Variants in TRIM44 observed in about 807,000 individuals in gnomAD.
TRIM44 encodes the protein tripartite motif-containing protein 44.
In TRIM44, 13 loss-of-function variants were observed where a neutral mutation model predicts 37.4. The ratio of observed to expected loss-of-function variants is 0.35; its 90% CI spans 0.23 to 0.55. TRIM44 has a LOEUF of 0.55. Ranked by LOEUF, TRIM44 falls within the 20% of genes least tolerant of loss-of-function variation. The probability of loss-of-function intolerance (pLI) is 0.89; values close to 1 mark genes in which losing one functional copy is unlikely to be tolerated. For synonymous variants in TRIM44, 175 were observed against 157.2 expected (o/e 1.11, Z -0.85); for missense variants, 426 against 437.2 (o/e 0.97, Z 0.23).
Position 35,685,260 on chromosome 11 carries a change from G to A in TRIM44, c.671G>A (p.Ser224Asn). Reference sequence around the variant, plus strand: ...ACCCCTCACTTTTCTTTCTTCTAGAGCAAAGACTCAGGTGGACTGAAGGCC... The same window carrying A: ...ACCCCTCACTTTTCTTTCTTCTAGAACAAAGACTCAGGTGGACTGAAGGCC... ...TLDEAFEELRSKDSGGLKAAM... is the reference protein window; with the variant it reads ...TLDEAFEELRNKDSGGLKAAM... Residue 224 changes from serine to asparagine, a missense_variant and splice_region_variant, in exon 2 of 5, where the codon AGC becomes AAC. Physicochemically the swap from Ser to Asn is conservative, Grantham distance 46. This residue lies in a region of TRIM44 where 331 missense variants were observed against 303.0 expected (regional missense o/e 1.09). Coordinates refer to ENST00000299413, the MANE Select transcript of TRIM44 (RefSeq NM_017583.6). 6.2e-7 allele frequency: 1 copy of A among 1,614,130 alleles called. No homozygotes were observed. The highest frequency in any genetic ancestry group is 8.5e-7 in the Non-Finnish European group (1 of 1,179,966).
chr11:35,697,260 G>C (rs1321324540), intron 2 of TRIM44, among the ~76,000 whole-genome samples: 1 of 131,704 alleles, frequency 7.6e-6, no homozygotes, highest in Non-Finnish European at 1.5e-5. Context: ...TCCCCTTCCT[G>C]TGTGCATGTG....
chr11:35,729,349 T>C (rs926475163), intron 3 of TRIM44, among the ~76,000 whole-genome samples: 7 of 152,178 alleles, frequency 4.6e-5, no homozygotes, highest in African/African-American at 1.7e-4. Context: ...GGTGAAACTC[T>C]TACTTCTACC....
At chr11:35,737,569 C>G (rs1852341192) in intron 4 of TRIM44, among the ~76,000 whole-genome samples, 1 of 152,126 alleles carries the variant, frequency 6.6e-6, no homozygotes, top group Non-Finnish European at 1.5e-5. Flanking sequence ...GGCACAGTGG[C>G]TCACGCCTGT....
chr11:35,791,280 T>C (rs1339714086), intron 4 of TRIM44, among the ~76,000 whole-genome samples: 1 of 152,174 alleles, frequency 6.6e-6, no homozygotes, highest in East Asian at 1.9e-4. Flanking sequence ...GTAGGCTTTA[T>C]ATTGAGTTAC....
intron 3 of TRIM44, among the ~76,000 whole-genome samples, chr11:35,728,169 T>C (rs967640312): frequency 2.0e-5 from 3 of 152,016 alleles, no homozygotes; most frequent in African/African-American, 7.2e-5. Context: ...GTACTAAAAA[T>C]AGAAAAATTA....
intron 4 of TRIM44, among the ~76,000 whole-genome samples, chr11:35,753,934 G>T (rs1208978870): frequency 6.6e-6 from 1 of 151,838 alleles, no homozygotes; most frequent in Non-Finnish European, 1.5e-5. Flanking sequence ...TCACCATGTT[G>T]TTCAGGCTGG....
In TRIM44 at chr11:35,782,273, CAT is replaced by C. The variant is rs1590597356; in HGVS notation, c.1008-24079_1008-24078del. Among the ~76,000 whole-genome samples, 3 of 152,170 alleles carry C rather than the reference CAT, an allele frequency of 2.0e-5. No homozygotes were observed. In the East Asian group the frequency reaches 5.8e-4, roughly 29 times the overall value. ...ATTGCTAAATCTCAGTCTTAAAGGA[CAT>C]ATATAAATTAGCCAGTTGGATCCAA... On this transcript the variant is annotated intron_variant, in intron 4 of 4. Coordinates refer to ENST00000299413, the MANE Select transcript of TRIM44 (RefSeq NM_017583.6).
intron 2 of TRIM44, among the ~76,000 whole-genome samples, chr11:35,697,611 A>AC (rs1679493998): frequency 6.7e-6 from 1 of 149,516 alleles, no homozygotes; most frequent in Admixed American, 6.7e-5. Context: ...CGCTCCCCAC[A>AC]CCCCACAACA....
intron 1 of TRIM44, among the ~76,000 whole-genome samples, chr11:35,668,575 A>G (rs1350758463): frequency 6.6e-6 from 1 of 152,254 alleles, no homozygotes; most frequent in Non-Finnish European, 1.5e-5. Flanking sequence ...ATAGTATTCC[A>G]TGGTATATGT....
At chr11:35,792,111 A>ACACACACACACACACACTCACACACT (rs796092540) in intron 4 of TRIM44, among the ~76,000 whole-genome samples, 2 of 114,298 alleles carry the variant, frequency 1.7e-5, no homozygotes, top group African/African-American at 3.7e-5. Context: ...ACACACACAC[A>ACACACACACACACACACTCACACACT]CTCTCTCTCA....
At chr11:35,781,580 G>A (rs1853066404) in intron 4 of TRIM44, among the ~76,000 whole-genome samples, 1 of 152,180 alleles carries the variant, frequency 6.6e-6, no homozygotes, top group Non-Finnish European at 1.5e-5. Flanking sequence ...TAGAACTTAG[G>A]CACCTCGGAA....
intron 4 of TRIM44, among the ~76,000 whole-genome samples, chr11:35,762,173 T>A (rs1852739245): frequency 6.6e-6 from 1 of 152,248 alleles, no homozygotes; most frequent in Non-Finnish European, 1.5e-5. Context: ...TTTATTGTCC[T>A]GGGACATTCC....
chr11:35,700,792 A>T (rs1851778090), intron 2 of TRIM44, among the ~76,000 whole-genome samples: 1 of 152,254 alleles, frequency 6.6e-6, no homozygotes, highest in African/African-American at 2.4e-5. Context: ...ATAATGCTCC[A>T]AAGTAGGTAA....
At position 35,725,443 on chromosome 11, in the gene TRIM44, C is replaced by G. The variant is rs531251572; in HGVS notation, c.748-481C>G. Among the ~76,000 whole-genome samples the G allele has an allele frequency of 1.8e-3, 281 of 152,214 alleles. 2 individuals are homozygous for G. Among genetic ancestry groups the G allele is most frequent in the African/African-American group, 6.5e-3 (270 of 41,518 alleles). ...CCACCTTCTTGGTTCAAGCAATTCT[C>G]CTGCCTCAGCCTCCCAAGTAGCTGG... On this transcript the variant is annotated intron_variant, in intron 2 of 4. Transcript: ENST00000299413.
intron 4 of TRIM44, among the ~76,000 whole-genome samples, chr11:35,736,601 T>C (rs1590554701): frequency 6.6e-6 from 1 of 152,310 alleles, no homozygotes; most frequent in East Asian, 1.9e-4. Context: ...CGCCAAATGT[T>C]GTCCCACATC....
At chr11:35,682,650 G>A (rs1223562448) in intron 1 of TRIM44, among the ~76,000 whole-genome samples, 5 of 152,198 alleles carry the variant, frequency 3.3e-5, no homozygotes, top group South Asian at 4.1e-4. Context: ...TGGAACAGGT[G>A]AGTTTCCTGA....
At chr11:35,745,895 G>A (rs530367790) in intron 4 of TRIM44, among the ~76,000 whole-genome samples, 3 of 152,114 alleles carry the variant, frequency 2.0e-5, no homozygotes, top group Non-Finnish European at 2.9e-5. Context: ...ACAGTGGCCC[G>A]GACTGGGAAT....
chr11:35,728,869 C>A (rs975586068), intron 3 of TRIM44, among the ~76,000 whole-genome samples: 1 of 152,152 alleles, frequency 6.6e-6, no homozygotes, highest in African/African-American at 2.4e-5. Context: ...TCTTTTCAAC[C>A]TTCCACTCAC....
chr11:35,695,959 G>C (rs1044269247), intron 2 of TRIM44, among the ~76,000 whole-genome samples: 1 of 144,564 alleles, frequency 6.9e-6, no homozygotes, highest in East Asian at 2.0e-4. Context: ...CCTCTCTTTT[G>C]GATGCTTTCG....
Sources: gnomAD v4.1 joint callset for allele counts (sites outside exome capture counted in the v4.1 genomes callset) on GRCh38, gnomAD v4.1.1 for gene constraint, gnomAD v4.1.1 regional missense constraint, MANE v1.5 for transcripts, NCBI Gene and HGNC (gene_info 2026-07-23, HGNC 2026-07-21) for gene names.